The following RNGTT variants were observed in gnomAD, a reference collection of about 807,000 sequenced individuals.
The protein encoded by RNGTT is RNA guanylyltransferase and 5'-phosphatase, also known as mRNA-capping enzyme.
RNGTT carries 33 observed loss-of-function variants against 79.3 expected under a neutral mutation model. The observed-to-expected ratio is 0.42, with a 90% CI of 0.32 to 0.56. The LOEUF is 0.56. RNGTT is among the 20% of genes least tolerant of loss of function. RNGTT has a pLI of 0.17. For missense variants in RNGTT, 497 were observed against 739.1 expected, an observed-to-expected ratio of 0.67 and a Z score of 3.80; for synonymous variants, 222 against 235.9, an observed-to-expected ratio of 0.94 and a Z score of 0.54.
At chr6:88,877,485 T>C (rs1782554051) in intron 8 of RNGTT, among the ~76,000 whole-genome samples, 1 of 152,160 alleles carries the variant, frequency 6.6e-6, no homozygotes. Context: ...CTTAATGAAT[T>C]TGAATCTCTG....
chr6:88,833,470 T>C (rs1780949940), intron 11 of RNGTT, among the ~76,000 whole-genome samples: 1 of 152,126 alleles, frequency 6.6e-6, no homozygotes. Context: ...ATACCTAATG[T>C]AGATGACGGG....
At chr6:88,735,472 T>C (rs1777253824) in intron 13 of RNGTT, among the ~76,000 whole-genome samples, 1 of 149,666 alleles carries the variant, frequency 6.7e-6, no homozygotes, top group African/African-American at 2.5e-5. Flanking sequence ...TTTCAGATGA[T>C]AATGGAATTC....
chr6:88,735,457 G>GT (rs1777253080), intron 13 of RNGTT, among the ~76,000 whole-genome samples: 2 of 151,486 alleles, frequency 1.3e-5, no homozygotes, highest in Non-Finnish European at 1.5e-5. Flanking sequence ...CAAATTTAAG[G>GT]TTTTTTTCAG....
chr6:88,723,255 T>G (rs1251069585), intron 13 of RNGTT, among the ~76,000 whole-genome samples: 2 of 152,200 alleles, frequency 1.3e-5, no homozygotes, highest in South Asian at 4.1e-4. Context: ...ATGTGTGTGT[T>G]TGTGTCTTAT....
chr6:88,736,715 T>G (rs924463380), intron 13 of RNGTT, among the ~76,000 whole-genome samples: 2 of 152,178 alleles, frequency 1.3e-5, no homozygotes, highest in Non-Finnish European at 2.9e-5. Flanking sequence ...GTACTACCAC[T>G]CAGTAAAGAG....
intron 13 of RNGTT, among the ~76,000 whole-genome samples, chr6:88,698,884 T>C (rs1461415994): frequency 6.6e-6 from 1 of 152,190 alleles, no homozygotes; most frequent in African/African-American, 2.4e-5. Context: ...GCTGAGCTGA[T>C]AACAGGAGAA....
chr6:88,868,507 A>C (rs1247671469), intron 8 of RNGTT, among the ~76,000 whole-genome samples: 1 of 152,094 alleles, frequency 6.6e-6, no homozygotes, highest in Non-Finnish European at 1.5e-5. Context: ...GGCTGTTTCT[A>C]CCTCATGACT....
At chr6:88,962,271 C>T (rs910792378) in intron 1 of RNGTT, among the ~76,000 whole-genome samples, 11 of 151,876 alleles carry the variant, frequency 7.2e-5, no homozygotes, top group South Asian at 2.1e-4. Flanking sequence ...TCAAACTGTA[C>T]GCTTTAAAGC....
At chr6:88,795,694 ACC>A (rs528169050) in intron 12 of RNGTT, among the ~76,000 whole-genome samples, 19,329 of 151,934 alleles carry the variant, frequency 0.13, 1,418 homozygotes, top group Middle Eastern at 0.23. Context: ...TTTTTTAAAA[ACC>A]ACCACCAAAA....
intron 14 of RNGTT, among the ~76,000 whole-genome samples, chr6:88,632,922 T>C (rs1400945919): frequency 6.6e-6 from 1 of 152,162 alleles, no homozygotes; most frequent in African/African-American, 2.4e-5. Flanking sequence ...TTCCCACATA[T>C]TGTCTCTTTT....
At chr6:88,757,771 TTTTGAAGTCACACTATAAGA>T (rs1397340280) in intron 13 of RNGTT, among the ~76,000 whole-genome samples, 10 of 152,268 alleles carry the variant, frequency 6.6e-5, no homozygotes, top group Admixed American at 1.3e-4. Flanking sequence ...CAAAGACATA[TTTTGAAGTCACACTATAAGA>T]TTTGAAGTCA....
chr6:88,652,708 G>A (rs1368478564), intron 14 of RNGTT, among the ~76,000 whole-genome samples: 1 of 152,116 alleles, frequency 6.6e-6, no homozygotes, highest in Non-Finnish European at 1.5e-5. Context: ...TGTTTTGCTT[G>A]GGGTTGTTCA....
chr6:88,855,445 T>C (rs1261101794), intron 8 of RNGTT, among the ~76,000 whole-genome samples: 1 of 151,438 alleles, frequency 6.6e-6, no homozygotes, highest in African/African-American at 2.4e-5. Context: ...CTTATGTTTT[T>C]GGATTAGATT....
chr6:88,861,563 A>ACT (rs1782015353), intron 8 of RNGTT, among the ~76,000 whole-genome samples: 1 of 152,118 alleles, frequency 6.6e-6, no homozygotes, highest in Non-Finnish European at 1.5e-5. Flanking sequence ...AATCTTAAGT[A>ACT]TATTTTACAA....
chr6:88,700,150 C>T (rs1419202101), intron 13 of RNGTT, among the ~76,000 whole-genome samples: 1 of 152,066 alleles, frequency 6.6e-6, no homozygotes, highest in Non-Finnish European at 1.5e-5. Flanking sequence ...AAAAAAATGG[C>T]CAGAAAAATC....
intron 12 of RNGTT, among the ~76,000 whole-genome samples, chr6:88,781,235 A>G (rs538882385): frequency 6.7e-6 from 1 of 148,150 alleles, no homozygotes; most frequent in South Asian, 2.1e-4. Flanking sequence ...AAAATGCAAT[A>G]ATAGCATTTT....
intron 11 of RNGTT, among the ~76,000 whole-genome samples, chr6:88,818,311 G>C (rs551827971): frequency 6.6e-6 from 1 of 152,034 alleles, no homozygotes; most frequent in East Asian, 1.9e-4. Flanking sequence ...GGCTGGGCGC[G>C]GTGGCTCATG....
At chr6:88,616,972 T>C (rs1177872392) in intron 14 of RNGTT, among the ~76,000 whole-genome samples, 1 of 152,224 alleles carries the variant, frequency 6.6e-6, no homozygotes, top group African/African-American at 2.4e-5. Flanking sequence ...CCTAATCCAA[T>C]GTCCTAAAGA....
At chr6:88,873,969 G>C (rs1413901657) in intron 8 of RNGTT, among the ~76,000 whole-genome samples, 1 of 152,134 alleles carries the variant, frequency 6.6e-6, no homozygotes, top group Non-Finnish European at 1.5e-5. Flanking sequence ...TCGTAGCACA[G>C]ATCAGGTAAT....
Sources: gnomAD v4.1 joint callset for allele counts (sites outside exome capture counted in the v4.1 genomes callset) on GRCh38, gnomAD v4.1.1 for gene constraint, MANE v1.5 for transcripts, NCBI Gene and HGNC (gene_info 2026-07-23, HGNC 2026-07-21) for gene names.